The following CNTNAP5 variants were observed in gnomAD, a reference collection of about 807,000 sequenced individuals.
The protein encoded by CNTNAP5 is contactin associated protein family member 5.
In CNTNAP5, 72 loss-of-function variants were observed where a neutral mutation model predicts 150.2. The ratio of observed to expected loss-of-function variants is 0.48; its 90% CI spans 0.40 to 0.58. CNTNAP5 has a LOEUF of 0.58. Ranked by LOEUF, CNTNAP5 falls within the 20% of genes least tolerant of loss-of-function variation. The probability of loss-of-function intolerance (pLI) is 0.00; values close to 1 mark genes in which losing one functional copy is unlikely to be tolerated. For synonymous variants in CNTNAP5, 672 were observed against 619.8 expected (o/e 1.08, Z -1.25); for missense variants, 1,636 against 1,626.2 (o/e 1.01, Z -0.10).
intron 11 of CNTNAP5, among the ~76,000 whole-genome samples, chr2:124,568,076 A>G (rs1696073585): frequency 6.6e-6 from 1 of 152,226 alleles, no homozygotes; most frequent in African/African-American, 2.4e-5. Flanking sequence ...TAAATCCTGC[A>G]TCTTATTTCT....
intron 13 of CNTNAP5, among the ~76,000 whole-genome samples, chr2:124,697,962 A>T (rs989829858): frequency 7.2e-5 from 11 of 152,154 alleles, no homozygotes; most frequent in African/African-American, 2.7e-4. Context: ...CAGAGGGGAG[A>T]CAGAGGATGG....
intron 10 of CNTNAP5, among the ~76,000 whole-genome samples, chr2:124,539,164 G>A (rs1286968879): frequency 6.6e-6 from 1 of 152,224 alleles, no homozygotes. Context: ...CTGACCTGCA[G>A]TAAAAGGTTC....
intron 6 of CNTNAP5, among the ~76,000 whole-genome samples, chr2:124,448,050 C>T (rs552602265): frequency 4.2e-4 from 64 of 152,082 alleles, no homozygotes; most frequent in Non-Finnish European, 6.9e-4. Flanking sequence ...CAGCAGATCA[C>T]GAGGTCAGGA....
chr2:124,841,567 A>G (rs1401776159), intron 19 of CNTNAP5, among the ~76,000 whole-genome samples: 2 of 151,972 alleles, frequency 1.3e-5, no homozygotes. Context: ...CTGATTTCCC[A>G]ACTCTCCTGC....
At chr2:124,766,080 T>A (rs1029072210) in intron 16 of CNTNAP5, among the ~76,000 whole-genome samples, 5 of 152,192 alleles carry the variant, frequency 3.3e-5, no homozygotes, top group African/African-American at 7.2e-5. Context: ...TAGAATTACT[T>A]GTGTATGGTA....
chr2:124,330,925 C>T (rs1305998385), intron 3 of CNTNAP5, among the ~76,000 whole-genome samples: 1 of 152,136 alleles, frequency 6.6e-6, no homozygotes, highest in Non-Finnish European at 1.5e-5. Context: ...ATTATAACCT[C>T]TCATTAGTTT....
chr2:124,670,133 T>TTTCCATCC (rs1553429561), intron 13 of CNTNAP5, among the ~76,000 whole-genome samples: 1 of 112,510 alleles, frequency 8.9e-6, no homozygotes, highest in Non-Finnish European at 1.9e-5. Flanking sequence ...TCCTTCCTTC[T>TTTCCATCC]TTCCTTCCTT....
chr2:124,524,178 A>G (rs1694911923), intron 8 of CNTNAP5, 125 bp from the exon 9 acceptor site: 1 of 813,622 alleles, frequency 1.2e-6, no homozygotes. Flanking sequence ...GCTTGTATCC[A>G]GCCGAGTGAG....
chr2:124,658,199 T>C (rs1678499005), intron 13 of CNTNAP5, among the ~76,000 whole-genome samples: 2 of 152,168 alleles, frequency 1.3e-5, no homozygotes, highest in South Asian at 4.1e-4. Flanking sequence ...ACACAGACCC[T>C]GGTGGGAGGA....
intron 3 of CNTNAP5, among the ~76,000 whole-genome samples, chr2:124,300,330 C>T (rs1688543646): frequency 6.6e-6 from 1 of 152,148 alleles, no homozygotes; most frequent in Admixed American, 6.5e-5. Context: ...GACACATAAT[C>T]ACAAGGAAGG....
At chr2:124,500,857 C>T (rs369026546) in intron 7 of CNTNAP5, among the ~76,000 whole-genome samples, 9 of 152,234 alleles carry the variant, frequency 5.9e-5, no homozygotes, top group African/African-American at 1.9e-4. Flanking sequence ...CTACACTTGG[C>T]GGGACCAGTG....
In CNTNAP5 at chr2:124,242,227, C is replaced by A; in HGVS notation, c.215C>A (p.Ser72Tyr). ...ACTGGCGGTTGGTCCCCAGCAGATTCCAATGCTCAACAGTGGCTCCAGATG... is the reference window on the plus strand; with the variant it reads ...ACTGGCGGTTGGTCCCCAGCAGATTACAATGCTCAACAGTGGCTCCAGATG... ...VGTGGWSPADSNAQQWLQMDL... is the reference protein window; with the variant it reads ...VGTGGWSPADYNAQQWLQMDL... The change falls in exon 3 of 24, where the codon TCC becomes TAC. Residue 72 changes from serine to tyrosine, a missense_variant. Coordinates refer to ENST00000682447, the MANE Select transcript of CNTNAP5 (RefSeq NM_001367498.1). The A allele has an allele frequency of 6.3e-7, 1 of 1,597,002 alleles. No individual in the cohort carries two copies. The highest frequency in any genetic ancestry group is 8.5e-7 in the Non-Finnish European group (1 of 1,170,900).
intron 13 of CNTNAP5, among the ~76,000 whole-genome samples, chr2:124,745,332 G>C (rs1328540368): frequency 6.6e-6 from 1 of 152,112 alleles, no homozygotes; most frequent in Non-Finnish European, 1.5e-5. Context: ...GAGAGTAGAG[G>C]CCTGGGCTGT....
intron 3 of CNTNAP5, among the ~76,000 whole-genome samples, chr2:124,327,890 C>T (rs998888787): frequency 2.6e-5 from 4 of 152,068 alleles, no homozygotes; most frequent in African/African-American, 9.7e-5. Flanking sequence ...CTATCCTTAA[C>T]CTTGGCAAAA....
rs748270782 is a variant in CNTNAP5, at chr2:124,707,139, AGG to A, written c.2078-40089_2078-40088del. Among the ~76,000 whole-genome samples the A allele has an allele frequency of 3.2e-3, 187 of 58,960 alleles. 3 individuals are homozygous for A. The highest frequency in any genetic ancestry group is 5.2e-3 in the African/African-American group (105 of 20,128). The allele number at this position is 58,960 out of a possible 152,430, so 38.7% of individuals were successfully genotyped here. On this transcript the variant is annotated intron_variant, in intron 13 of 23. Coordinates refer to ENST00000682447, the MANE Select transcript of CNTNAP5 (RefSeq NM_001367498.1). ...AAGAAGAAGAAAGAAGAAGAAGAAG[AGG>A]AAGAAGAAGAAGAAGAAGAAGAAGA...
rs141320856 is a variant in CNTNAP5 at position 124,125,166 on chromosome 2, C to G, written c.83-96539C>G. On this transcript the variant is annotated intron_variant, in intron 1 of 23. Transcript: ENST00000682447. ...CATCAGTGTGCTGTATTCAGGAGACCCCTCTCACATGCAGAGGCACATGTA... is the reference window on the plus strand; with the variant it reads ...CATCAGTGTGCTGTATTCAGGAGACGCCTCTCACATGCAGAGGCACATGTA... Among the ~76,000 whole-genome samples, 1,162 of 152,092 alleles carry G rather than the reference C, an allele frequency of 7.6e-3. 10 individuals carry two copies. The highest frequency in any genetic ancestry group is 0.026 in the African/African-American group (1,084 of 41,470).
intron 11 of CNTNAP5, among the ~76,000 whole-genome samples, chr2:124,566,958 CTG>C (rs1696038629): frequency 1.3e-5 from 2 of 152,306 alleles, no homozygotes; most frequent in South Asian, 4.1e-4. Flanking sequence ...AGAATCCTTG[CTG>C]TGTTTGAGGG....
At chr2:124,134,077 C>T (rs879790401) in intron 1 of CNTNAP5, among the ~76,000 whole-genome samples, 10 of 152,114 alleles carry the variant, frequency 6.6e-5, no homozygotes, top group Admixed American at 2.6e-4. Context: ...ACTCATCCTA[C>T]GTGTCACCCA....
chr2:124,536,257 G>A (rs1208227877), intron 10 of CNTNAP5, among the ~76,000 whole-genome samples: 1 of 152,142 alleles, frequency 6.6e-6, no homozygotes, highest in East Asian at 1.9e-4. Flanking sequence ...AACACTTACT[G>A]AGCAAACATT....
Sources: allele counts gnomAD v4.1 joint callset (sites outside exome capture counted in the v4.1 genomes callset), GRCh38; gene constraint gnomAD v4.1.1; transcripts MANE v1.5; gene names NCBI Gene and HGNC (gene_info 2026-07-23, HGNC 2026-07-21).